ADAM22: variants seen among roughly 807,000 people sequenced by gnomAD.
ADAM22 encodes disintegrin and metalloproteinase domain-containing protein 22.
A neutral mutation model predicts 144.6 loss-of-function variants in ADAM22; 65 were observed. That is an observed-to-expected ratio of 0.45 (90% confidence interval 0.37 to 0.55). The LOEUF is 0.55. Ranked by LOEUF, ADAM22 falls within the 20% of genes least tolerant of loss-of-function variation. ADAM22 has a pLI of 0.00. For synonymous variants in ADAM22, 391 were observed against 412.6 expected (o/e 0.95, Z 0.63); for missense variants, 974 against 1,184.9 (o/e 0.82, Z 2.61).
intron 7 of ADAM22, among the ~76,000 whole-genome samples, chr7:88,124,699 G>A (rs1585951150): frequency 6.6e-6 from 1 of 151,856 alleles, no homozygotes; most frequent in East Asian, 1.9e-4. Flanking sequence ...CAAATCCCTT[G>A]TATGCCCAGG....
chr7:87,945,195 G>C (rs1484606850), intron 2 of ADAM22, among the ~76,000 whole-genome samples: 1 of 152,122 alleles, frequency 6.6e-6, no homozygotes, highest in Non-Finnish European at 1.5e-5. Context: ...TGTACAAAAT[G>C]AGCAACATCT....
chr7:88,032,155 C>A (rs767829558), intron 3 of ADAM22, among the ~76,000 whole-genome samples: 2 of 152,232 alleles, frequency 1.3e-5, no homozygotes, highest in Admixed American at 6.5e-5. Context: ...CACCATTCTC[C>A]AATCCCCAGA....
At chr7:88,083,155 G>A (rs1157666182) in intron 4 of ADAM22, among the ~76,000 whole-genome samples, 2 of 152,186 alleles carry the variant, frequency 1.3e-5, no homozygotes, top group African/African-American at 4.8e-5. Context: ...ATACTATGCA[G>A]CCATAAAAAA....
intron 5 of ADAM22, among the ~76,000 whole-genome samples, chr7:88,111,195 T>C (rs1262992073): frequency 6.6e-6 from 1 of 152,128 alleles, no homozygotes; most frequent in Non-Finnish European, 1.5e-5. Context: ...CCTTGTATCA[T>C]CTTGTTGTTT....
chr7:87,974,777 G>A (rs1851501280), intron 2 of ADAM22, among the ~76,000 whole-genome samples: 1 of 152,172 alleles, frequency 6.6e-6, no homozygotes, highest in Non-Finnish European at 1.5e-5. Flanking sequence ...AGGATAAGAT[G>A]AAGTATTGGC....
At chr7:87,945,114 CAGG>C (rs1347106107) in intron 2 of ADAM22, among the ~76,000 whole-genome samples, 1 of 152,036 alleles carries the variant, frequency 6.6e-6, no homozygotes, top group African/African-American at 2.4e-5. Context: ...TTGCATGGAT[CAGG>C]AGATGAGACC....
At chr7:87,960,175 C>T (rs1847717302) in intron 2 of ADAM22, among the ~76,000 whole-genome samples, 1 of 152,180 alleles carries the variant, frequency 6.6e-6, no homozygotes. Context: ...GAATTTCTAA[C>T]AGTTTTAAAC....
intron 2 of ADAM22, among the ~76,000 whole-genome samples, chr7:87,966,233 G>A (rs144869029): frequency 1.3e-5 from 2 of 152,206 alleles, no homozygotes; most frequent in East Asian, 1.9e-4. Context: ...CTGATTTGTC[G>A]GAGGGATTTT....
intron 4 of ADAM22, among the ~76,000 whole-genome samples, chr7:88,096,834 G>A (rs1307349212): frequency 3.3e-5 from 5 of 152,038 alleles, no homozygotes; most frequent in Admixed American, 2.0e-4. Context: ...AATAGTGAAT[G>A]ATCAGCTTAT....
At chr7:88,151,151 C>A (rs1024491992) in intron 19 of ADAM22, 106 bp from the exon 20 acceptor site, 12 of 1,509,152 alleles carry the variant, frequency 8.0e-6, no homozygotes, top group Admixed American at 1.7e-5. Context: ...AGATAAAAGG[C>A]CTCTCTACTA....
At chr7:88,107,988 G>A (rs1687855636) in intron 4 of ADAM22, among the ~76,000 whole-genome samples, 188 bp from the exon 5 acceptor site, 1 of 152,132 alleles carries the variant, frequency 6.6e-6, no homozygotes, top group African/African-American at 2.4e-5. Context: ...TTTTGATTTA[G>A]AGTCAGCTCA....
At position 88,131,443 on chromosome 7, in the gene ADAM22, A is replaced by G. The variant is rs758564800; in HGVS notation, c.992+8A>G. The G allele has an allele frequency of 6.2e-7, 1 of 1,613,042 alleles. No individual in the cohort carries two copies. Among genetic ancestry groups the G allele is most frequent in the Non-Finnish European group, 8.5e-7 (1 of 1,179,278 alleles). ...TGCAGTTCACCTTTTTTCGTACGTA[A>G]CTTCTGTAATGATGTATTACTTTTT... is the stretch of plus-strand genomic sequence containing the variant. On this transcript the variant is annotated splice_region_variant and intron_variant, in intron 11 of 31. Transcript: ENST00000413139.
chr7:88,081,632 C>A (rs1484799731), intron 4 of ADAM22, among the ~76,000 whole-genome samples: 4 of 149,144 alleles, frequency 2.7e-5, no homozygotes, highest in Non-Finnish European at 5.9e-5. Context: ...TGATAAGCAA[C>A]TTCAGCAAAG....
intron 26 of ADAM22, among the ~76,000 whole-genome samples, chr7:88,175,371 G>A (rs545641797): frequency 5.3e-5 from 8 of 152,272 alleles, no homozygotes; most frequent in Non-Finnish European, 1.2e-4. Context: ...GAGTCATTAA[G>A]TTACAGGGGT....
chr7:88,085,798 A>G (rs993610860), intron 4 of ADAM22, among the ~76,000 whole-genome samples: 3 of 152,170 alleles, frequency 2.0e-5, no homozygotes, highest in African/African-American at 7.2e-5. Flanking sequence ...CCTGACTTTT[A>G]TCATAACCCC....
At chr7:87,938,623 A>T (rs1324406565) in intron 2 of ADAM22, among the ~76,000 whole-genome samples, 1 of 152,026 alleles carries the variant, frequency 6.6e-6, no homozygotes, top group African/African-American at 2.4e-5. Context: ...TTGTTTCTTT[A>T]AAAGGCATTT....
chr7:87,934,594 G>C (rs1053555368), intron 1 of ADAM22, 44 bp downstream of exon 1: 5 of 1,564,332 alleles, frequency 3.2e-6, no homozygotes, highest in Non-Finnish European at 4.3e-6. Context: ...ACCATTTCCC[G>C]GGAATCTTTG....
intron 3 of ADAM22, among the ~76,000 whole-genome samples, chr7:88,058,122 A>T (rs554787861): frequency 3.3e-4 from 50 of 152,340 alleles, no homozygotes; most frequent in African/African-American, 1.2e-3. Context: ...ATTTTGGAAG[A>T]TACAAGAAGA....
chr7:88,165,740 T>G, intron 23 of ADAM22, 92 bp from the exon 24 acceptor site: 1 of 825,350 alleles, frequency 1.2e-6, no homozygotes, highest in East Asian at 2.9e-5. Flanking sequence ...ATTACCACAT[T>G]CTAAGCATAT....
Sources: allele counts gnomAD v4.1 joint callset (sites outside exome capture counted in the v4.1 genomes callset), GRCh38; gene constraint gnomAD v4.1.1; transcripts MANE v1.5; gene names NCBI Gene and HGNC (gene_info 2026-07-23, HGNC 2026-07-21).